The following PGGHG variants were observed in gnomAD, a reference collection of about 807,000 sequenced individuals.
The protein encoded by PGGHG is ATH1, acid trehalase-like 1.
Under a neutral mutation model 74.5 loss-of-function variants are expected in PGGHG, and 67 were observed. The observed-to-expected ratio is 0.90, with a 90% CI of 0.74 to 1.10. The LOEUF is 1.10. Ranked by LOEUF, PGGHG falls within the 50% of genes least tolerant of loss-of-function variation. The probability of loss-of-function intolerance (pLI) is 0.00; values close to 1 mark genes in which losing one functional copy is unlikely to be tolerated. For missense variants in PGGHG, 1,034 were observed against 981.5 expected, an observed-to-expected ratio of 1.05 and a Z score of -0.72; for synonymous variants, 496 against 419.9, an observed-to-expected ratio of 1.18 and a Z score of -2.21.
Position 295,006 on chromosome 11 carries a change from C to A in PGGHG, c.*257C>A. The A allele has an allele frequency of 2.6e-6, 1 of 383,056 alleles. No individual in the cohort carries two copies. Among genetic ancestry groups the A allele is most frequent in the Non-Finnish European group, 4.6e-6 (1 of 215,110 alleles). The allele number at this position is 383,056 out of a possible 1,614,324, so 23.7% of individuals were successfully genotyped here. A position where few individuals can be genotyped will look rare whatever the true frequency, so the allele number is the denominator to read the frequency against. ...CCTGTGGACTGATGCTATCGCGCAC[C>A]GTCCCACGACCCCACCCCGAGCTCC... is the stretch of plus-strand genomic sequence containing the variant. On this transcript the variant is annotated 3_prime_UTR_variant, in exon 14 of 14. Transcript: ENST00000409548.
Position 290,888 on chromosome 11 carries a change from G to A in PGGHG, c.681G>A (p.Leu227=), listed in dbSNP as rs150075556. The A allele has an allele frequency of 6.6e-3, 10,675 of 1,611,932 alleles. 66 individuals carry two copies. The highest frequency in any genetic ancestry group is 0.02 in the Middle Eastern group (123 of 6,036). The change falls in exon 4 of 14, where the codon CTG becomes CTA. Residue 227 remains leucine (L), a synonymous_variant. Coordinates refer to ENST00000409548, the MANE Select transcript of PGGHG (RefSeq NM_025092.5). Reference sequence around the variant, plus strand: ...TGCAGCTGCAGGCCAGGGGAGCTCTGTATACGGCTCACGCACAGGCCTGGG... The same window carrying A: ...TGCAGCTGCAGGCCAGGGGAGCTCTATATACGGCTCACGCACAGGCCTGGG... ...EALQLQARGA[L]YTAHAQAWAQ...
At position 290,479 on chromosome 11, in the gene PGGHG, C is replaced by A; in HGVS notation, c.349C>A (p.Arg117=). Residue 117 remains arginine (R), a synonymous_variant, in exon 3 of 14, where the codon CGA becomes AGA. Transcript: ENST00000409548. ...HRTLPHVLAF[R]VSIARLAPGS... is the part of the protein sequence containing the mutation. ...CACGCTGCCCCACGTGCTGGCTTTC[C>A]GAGTGTCCATCGCCCGCCTGGCCCC... is the stretch of plus-strand genomic sequence containing the variant. 1 of 1,550,188 alleles carries A rather than the reference C, an allele frequency of 6.5e-7. No homozygotes were observed.
In PGGHG at chr11:294,064, G is replaced by A. The variant is rs369290610; in HGVS notation, c.1711-35G>A. On this transcript the variant is annotated intron_variant, in intron 11 of 13. Coordinates refer to ENST00000409548, the MANE Select transcript of PGGHG (RefSeq NM_025092.5). ...AGCAGCCCAGAGAGGACGGTGACCT[G>A]GGGGTCCTGGTGTCAGCTGCCCTTG... is the stretch of plus-strand genomic sequence containing the variant. The A allele has an allele frequency of 3.2e-6, 5 of 1,585,374 alleles. No individual in the cohort carries two copies. In the African/African-American group the frequency reaches 6.7e-5, roughly 21 times the overall value.
In PGGHG at chr11:289,741, G is replaced by A; in HGVS notation, c.-13-63G>A. ...CTGAGGGAGGCTTCAGGGGATTACA[G>A]ACGGTCTCAAGAGGGAGGCCCAGCC... On this transcript the variant is annotated intron_variant, in intron 1 of 13. Transcript: ENST00000409548. This position sits in a 1 kb window ranked among gnomAD's most constrained non-coding sequence, Gnocchi z 5.6. 1 of 1,479,242 alleles carries A rather than the reference G, an allele frequency of 6.8e-7. No homozygotes were observed. 91.6% of individuals were successfully genotyped at this position (1,479,242 alleles called of 1,614,324 possible).
chr11:291,085 G>A lies in PGGHG; in HGVS notation c.878G>A (p.Cys293Tyr). 2 of 1,595,380 alleles carry A rather than the reference G, an allele frequency of 1.3e-6. No homozygotes were observed. Among genetic ancestry groups the A allele is most frequent in the Non-Finnish European group, 1.7e-6 (2 of 1,168,312 alleles). Residue 293 changes from cysteine (C) to tyrosine (Y), a missense_variant, in exon 4 of 14, where the codon TGC becomes TAC. By Grantham distance (194) the Cys-to-Tyr change is radical. Coordinates refer to ENST00000409548, the MANE Select transcript of PGGHG (RefSeq NM_025092.5). ...GGLSNGSREE[C>Y]YWGHVFWDQD... Reference sequence around the variant, plus strand: ...CTCTCCAATGGGAGCCGTGAGGAATGCTACTGGGGCCACGTCTTCTGGGAC... The same window carrying A: ...CTCTCCAATGGGAGCCGTGAGGAATACTACTGGGGCCACGTCTTCTGGGAC...
In PGGHG at chr11:290,502, C is replaced by T; in HGVS notation, c.372C>T (p.Ala124=). ...TCCGAGTGTCCATCGCCCGCCTGGCCCCGGGGAGCGGGCCCATCACGCTGC... is the reference window on the plus strand; with the variant it reads ...TCCGAGTGTCCATCGCCCGCCTGGCTCCGGGGAGCGGGCCCATCACGCTGC... ...LAFRVSIARL[A]PGSGPITLLL... The change falls in exon 3 of 14, where the codon GCC becomes GCT. Residue 124 remains alanine, a synonymous_variant. Transcript: ENST00000409548. 2 of 1,550,328 alleles carry T rather than the reference C, an allele frequency of 1.3e-6. No individual in the cohort carries two copies. The highest frequency in any genetic ancestry group is 1.7e-6 in the Non-Finnish European group (2 of 1,146,956).
Position 291,069 on chromosome 11 carries a change from G to A in PGGHG, c.862G>A (p.Gly288Arg), listed in dbSNP as rs1456211499. ...HGLSPGGLSN[G>R]SREECYWGHV... ...CCTCAGTCCTGGGGGCCTCTCCAAT[G>A]GGAGCCGTGAGGAATGCTACTGGGG... Residue 288 changes from glycine to arginine, a missense_variant, in exon 4 of 14, where the codon GGG becomes AGG. Transcript: ENST00000409548. 1 of 1,606,422 alleles carries A rather than the reference G, an allele frequency of 6.2e-7. No individual in the cohort carries two copies. The highest frequency in any genetic ancestry group is 1.3e-5 in the African/African-American group (1 of 74,766).
In PGGHG at chr11:289,126, G is replaced by T. The variant is rs1486859503; in HGVS notation, c.-127G>T. ...CGCCCGGGCCCTCGGGGCGGGGACCGCGGACCTTCCTGGTGGCGCGGCAGC... is the reference window on the plus strand; with the variant it reads ...CGCCCGGGCCCTCGGGGCGGGGACCTCGGACCTTCCTGGTGGCGCGGCAGC... On this transcript the variant is annotated 5_prime_UTR_variant, in exon 1 of 14. Transcript: ENST00000409548. The surrounding 1 kb of genome is among the most constrained non-coding windows in gnomAD (Gnocchi z 5.6). The T allele has an allele frequency of 6.7e-6, 1 of 150,074 alleles. No individual in the cohort carries two copies. The highest frequency in any genetic ancestry group is 6.6e-5 in the Admixed American group (1 of 15,138). The allele number at this position is 150,074 out of a possible 1,614,324, so 9.3% of individuals were successfully genotyped here.
rs115207440 is a variant in PGGHG at position 292,861 on chromosome 11, C to T, written c.1159-25C>T. On this transcript the variant is annotated intron_variant, in intron 6 of 13. Transcript: ENST00000409548. ...GAATGAGAGTGACTGGGGCCCTGGC[C>T]TCTGTGCCTCCTCCTGCTCCCCAGG... is the stretch of plus-strand genomic sequence containing the variant. 3,068 of 1,613,632 alleles carry T rather than the reference C, an allele frequency of 1.9e-3. 47 individuals carry two copies. The African/African-American group carries it at 0.033, about 17-fold the overall frequency.
At position 292,600 on chromosome 11, in the gene PGGHG, G is replaced by A. The variant is rs1845757689; in HGVS notation, c.1081G>A (p.Asp361Asn). ...CTCCGGCCTAGAGGTTTGCCCTGAGGACATTTACGGAGTCCAGGAGGTCCA... is the reference window on the plus strand; with the variant it reads ...CTCCGGCCTAGAGGTTTGCCCTGAGAACATTTACGGAGTCCAGGAGGTCCA... ...ADSGLEVCPEDIYGVQEVHVN... is the reference protein window; with the variant it reads ...ADSGLEVCPENIYGVQEVHVN... Residue 361 changes from aspartate to asparagine, a missense_variant, in exon 6 of 14, where the codon GAC becomes AAC. Physicochemically the swap from Asp to Asn is conservative, Grantham distance 23. Transcript: ENST00000409548. The A allele has an allele frequency of 4.3e-6, 7 of 1,613,590 alleles. No individual in the cohort carries two copies. The highest frequency in any genetic ancestry group is 1.1e-5 in the South Asian group (1 of 91,094).
chr11:291,692 C>T lies in PGGHG; in HGVS notation c.907-284C>T, dbSNP rs904880524. 5.7e-5 allele frequency: 22 copies of T among 385,088 alleles called. No homozygotes were observed. In the Admixed American group the frequency reaches 9.8e-4, roughly 17 times the overall value. The allele number at this position is 385,088 out of a possible 1,614,324, so 23.9% of individuals were successfully genotyped here. On this transcript the variant is annotated intron_variant, in intron 4 of 13. Coordinates refer to ENST00000409548, the MANE Select transcript of PGGHG (RefSeq NM_025092.5). The stretch of plus-strand genomic sequence containing the variant: ...CTCTCAGAGGCCGAGTCATTCACTG[C>T]CAGCCTGAAGCTGCCCATGCGCATA...
rs199848895 is a variant in PGGHG, at chr11:294,530, C to T, written c.2021-26C>T. 5.0e-6 allele frequency: 8 copies of T among 1,599,352 alleles called. No homozygotes were observed. The Admixed American group carries it at 6.7e-5, about 13-fold the overall frequency. On this transcript the variant is annotated intron_variant, in intron 13 of 13. Coordinates refer to ENST00000409548, the MANE Select transcript of PGGHG (RefSeq NM_025092.5). ...GCCTGCGACCCCAGGCTGCCCCTCA[C>T]CCCCAGGCTGCCTCTCTCCCTGCAG...
chr11:291,938 G>T (rs1355705911), intron 4 of PGGHG, 38 bp from the exon 5 acceptor site: 1 of 1,568,138 alleles, frequency 6.4e-7, no homozygotes, highest in Admixed American at 1.9e-5. Flanking sequence ...GAGCAGTGAC[G>T]GCCTGTCCGG....
chr11:292,761 G>A (rs1845763944), intron 6 of PGGHG, 84 bp downstream of exon 6: 1 of 1,608,260 alleles, frequency 6.2e-7, no homozygotes, highest in South Asian at 1.1e-5. Flanking sequence ...CCTGTTTGGG[G>A]CTGGTCCTGG....
chr11:293,975 G>T (rs761147298), intron 11 of PGGHG, 50 bp downstream of exon 11: 5 of 1,596,564 alleles, frequency 3.1e-6, no homozygotes, highest in Non-Finnish European at 4.3e-6. Context: ...GGTGGGAGTG[G>T]AGCCCAGCCT....
rs762735613 is a variant in PGGHG at position 290,943 on chromosome 11, G to A, written c.736G>A (p.Val246Met). Residue 246 changes from valine to methionine, a missense_variant, in exon 4 of 14, where the codon GTG (valine) becomes ATG (methionine). Transcript: ENST00000409548. ...GCTCTGGGTAGAATGTGGCTTGGAC[G>A]TGGTGGGGCCCCTGCAGCTGCGCCA... ...AQLWVECGLD[V>M]VGPLQLRQAL... is the part of the protein sequence containing the mutation. The A allele has an allele frequency of 3.9e-5, 63 of 1,612,266 alleles. 1 individual carries two copies. In the East Asian group the frequency reaches 7.8e-4, roughly 20 times the overall value.
rs759014961 is a variant in PGGHG, at chr11:290,480, G to T, written c.350G>T (p.Arg117Leu). The T allele has an allele frequency of 1.9e-6, 3 of 1,550,184 alleles. No homozygotes were observed. The highest frequency in any genetic ancestry group is 2.6e-6 in the Non-Finnish European group (3 of 1,146,944). Residue 117 changes from arginine to leucine, a missense_variant, in exon 3 of 14, where the codon CGA (arginine) becomes CTA (leucine). Physicochemically the swap from Arg to Leu is moderately radical, Grantham distance 102. Coordinates refer to ENST00000409548, the MANE Select transcript of PGGHG (RefSeq NM_025092.5). Reference protein sequence around the residue: ...HRTLPHVLAFRVSIARLAPGS... With the variant: ...HRTLPHVLAFLVSIARLAPGS... Reference sequence around the variant, plus strand: ...ACGCTGCCCCACGTGCTGGCTTTCCGAGTGTCCATCGCCCGCCTGGCCCCG... The same window carrying T: ...ACGCTGCCCCACGTGCTGGCTTTCCTAGTGTCCATCGCCCGCCTGGCCCCG...
rs1590279633 is a variant in PGGHG, at chr11:289,142, G to A, written c.-111G>A. 6.6e-6 allele frequency: 1 copy of A among 150,804 alleles called. No homozygotes were observed. 9.3% of individuals were successfully genotyped at this position (150,804 alleles called of 1,614,324 possible). On this transcript the variant is annotated 5_prime_UTR_variant, in exon 1 of 14. Coordinates refer to ENST00000409548, the MANE Select transcript of PGGHG (RefSeq NM_025092.5). The surrounding 1 kb of genome is among the most constrained non-coding windows in gnomAD (Gnocchi z 5.6). ...GCGGGGACCGCGGACCTTCCTGGTG[G>A]CGCGGCAGCCGGGCGGCTCCTCCTT...
rs762680096 is a variant in PGGHG at position 291,018 on chromosome 11, A to G, written c.811A>G (p.Lys271Glu). ...CCTGCTCAGTGCCCTGCCCCAGCCC[A>G]AGGCCCCAGGATACATCTGCCATGG... ...YYLLSALPQPKAPGYICHGLS... is the reference protein window; with the variant it reads ...YYLLSALPQPEAPGYICHGLS... The change falls in exon 4 of 14, where the codon AAG (lysine) becomes GAG (glutamate). Residue 271 changes from lysine to glutamate, a missense_variant. Coordinates refer to ENST00000409548, the MANE Select transcript of PGGHG (RefSeq NM_025092.5). 4.3e-6 allele frequency: 7 copies of G among 1,612,650 alleles called. No individual in the cohort carries two copies. The highest frequency in any genetic ancestry group is 1.6e-4 in the Middle Eastern group (1 of 6,062).
Sources: gnomAD v4.1 joint callset for allele counts on GRCh38, gnomAD v4.1.1 for gene constraint, Gnocchi (gnomAD v3.1) non-coding constraint, MANE v1.5 for transcripts, NCBI Gene and HGNC (gene_info 2026-07-23, HGNC 2026-07-21) for gene names.